The following CPNE8 variants were observed in gnomAD, a reference collection of about 807,000 sequenced individuals.
CPNE8 encodes the protein copine-8.
Under a neutral mutation model 81.5 loss-of-function variants are expected in CPNE8, and 45 were observed. The ratio of observed to expected loss-of-function variants is 0.55; its 90% CI spans 0.44 to 0.71. CPNE8 has a LOEUF of 0.71. Ranked by LOEUF, CPNE8 falls within the 30% of genes least tolerant of loss-of-function variation. The pLI is 0.00. For missense variants in CPNE8, 594 were observed against 672.1 expected (o/e 0.88, Z 1.28); for synonymous variants, 252 against 226.3 (o/e 1.11, Z -1.02).
chr12:38,786,672 A>G (rs1279533447), intron 6 of CPNE8, among the ~76,000 whole-genome samples: 1 of 152,172 alleles, frequency 6.6e-6, no homozygotes, highest in Non-Finnish European at 1.5e-5. Context: ...TGGAAACCAA[A>G]TAAGAGTAGG....
intron 3 of CPNE8, among the ~76,000 whole-genome samples, chr12:38,855,107 T>G (rs996897222): frequency 1.3e-5 from 2 of 151,524 alleles, no homozygotes; most frequent in Admixed American, 1.3e-4. Context: ...TAACAACAAA[T>G]TATCTGAAAA....
intron 1 of CPNE8, among the ~76,000 whole-genome samples, chr12:38,903,047 C>T (rs1056553800): frequency 6.6e-6 from 1 of 152,170 alleles, no homozygotes; most frequent in African/African-American, 2.4e-5. Flanking sequence ...AACTAAACCA[C>T]CTCCTATGGT....
At chr12:38,814,335 T>TC in intron 6 of CPNE8, among the ~76,000 whole-genome samples, 2 of 138,426 alleles carry the variant, frequency 1.4e-5, no homozygotes, top group Non-Finnish European at 3.1e-5. Flanking sequence ...TTTTTTTTTT[T>TC]TGACAGAGTC....
intron 18 of CPNE8, among the ~76,000 whole-genome samples, chr12:38,672,297 G>C (rs1939191892): frequency 6.6e-6 from 1 of 152,176 alleles, no homozygotes; most frequent in South Asian, 2.1e-4. Flanking sequence ...CAGTCATTTA[G>C]GCAATACTGT....
chr12:38,886,740 ATATCTT>A (rs1312415287), intron 1 of CPNE8, among the ~76,000 whole-genome samples: 3 of 152,148 alleles, frequency 2.0e-5, no homozygotes, highest in African/African-American at 7.2e-5. Context: ...AATCCTCTTG[ATATCTT>A]TTTAAGTTTA....
chr12:38,796,456 A>G (rs1942475879), intron 6 of CPNE8, among the ~76,000 whole-genome samples: 1 of 152,234 alleles, frequency 6.6e-6, no homozygotes, highest in Non-Finnish European at 1.5e-5. Context: ...ATTCCTATTC[A>G]TCAAAGCATA....
intron 6 of CPNE8, among the ~76,000 whole-genome samples, chr12:38,820,177 TG>T (rs755186114): frequency 1.6e-4 from 24 of 151,838 alleles, no homozygotes; most frequent in East Asian, 9.7e-4. Flanking sequence ...GAGGCGAAGA[TG>T]GGGGGATCAC....
rs1444729677 is a variant in CPNE8 at position 38,675,712 on chromosome 12, C to T, written c.1432+5G>A. The stretch of plus-strand genomic sequence containing the variant: ...AAGGAATATTATTGAAATTTTACTA[C>T]TCACCATCAAATTCTGCTGGTCCAA... On this transcript the variant is annotated splice_donor_5th_base_variant and intron_variant, in intron 18 of 19. Transcript: ENST00000331366. The T allele has an allele frequency of 3.2e-6, 5 of 1,578,636 alleles. No homozygotes were observed. Among genetic ancestry groups the T allele is most frequent in the Non-Finnish European group, 4.4e-6 (5 of 1,148,332 alleles).
intron 13 of CPNE8, among the ~76,000 whole-genome samples, chr12:38,716,641 C>G (rs1271836862): frequency 6.6e-6 from 1 of 152,078 alleles, no homozygotes; most frequent in African/African-American, 2.4e-5. Context: ...AAAATCAACT[C>G]AAGATGGATC....
At chr12:38,798,599 A>T (rs1371974566) in intron 6 of CPNE8, among the ~76,000 whole-genome samples, 5 of 152,200 alleles carry the variant, frequency 3.3e-5, no homozygotes, top group Non-Finnish European at 1.5e-5. Flanking sequence ...AAAACATGCC[A>T]AATTGTAAAG....
chr12:38,819,481 G>GAT (rs1943078733), intron 6 of CPNE8, among the ~76,000 whole-genome samples: 1 of 151,904 alleles, frequency 6.6e-6, no homozygotes, highest in African/African-American at 2.4e-5. Context: ...TAACAGCAGA[G>GAT]ATAGGGCCGG....
At chr12:38,666,860 G>A (rs1367179096) in intron 19 of CPNE8, among the ~76,000 whole-genome samples, 1 of 152,082 alleles carries the variant, frequency 6.6e-6, no homozygotes, top group Non-Finnish European at 1.5e-5. Context: ...GTGGACAAGA[G>A]GAATTGAGCT....
rs1482915675 is a variant in CPNE8 at position 38,677,651 on chromosome 12, A to C, written c.1272-97T>G. On this transcript the variant is annotated intron_variant, in intron 16 of 19. Transcript: ENST00000331366. ...AATAGTTAACAAACATTTTAATCTC[A>C]ATAAAATATTTGAACATGTTAGAGG... 4.2e-6 allele frequency: 3 copies of C among 712,080 alleles called. No individual in the cohort carries two copies. In the African/African-American group the frequency reaches 5.3e-5, roughly 13 times the overall value. The allele number at this position is 712,080 out of a possible 1,614,324, so 44.1% of individuals were successfully genotyped here. A position where few individuals can be genotyped will look rare whatever the true frequency, so the allele number is the denominator to read the frequency against.
chr12:38,654,874 A>C (rs1938783549), intron 19 of CPNE8, among the ~76,000 whole-genome samples: 1 of 152,168 alleles, frequency 6.6e-6, no homozygotes, highest in Non-Finnish European at 1.5e-5. Flanking sequence ...ACATTGTTAA[A>C]AAGTCCTAAA....
At chr12:38,863,299 A>G (rs1457100782) in intron 3 of CPNE8, among the ~76,000 whole-genome samples, 1 of 152,224 alleles carries the variant, frequency 6.6e-6, no homozygotes, top group African/African-American at 2.4e-5. Context: ...TTGTAAGTAG[A>G]CATGTATGTA....
At chr12:38,843,937 CAATT>C in intron 4 of CPNE8, among the ~76,000 whole-genome samples, 1 of 152,112 alleles carries the variant, frequency 6.6e-6, no homozygotes, top group South Asian at 2.1e-4. Flanking sequence ...AAGTACCTAA[CAATT>C]AACAGAGTAA....
intron 8 of CPNE8, among the ~76,000 whole-genome samples, chr12:38,765,941 C>A (rs1941678035): frequency 6.6e-6 from 1 of 151,922 alleles, no homozygotes; most frequent in African/African-American, 2.4e-5. Context: ...TCACTGCAAC[C>A]TCCGCCTCCC....
intron 6 of CPNE8, among the ~76,000 whole-genome samples, chr12:38,786,956 C>A (rs936157226): frequency 6.6e-6 from 1 of 152,056 alleles, no homozygotes; most frequent in African/African-American, 2.4e-5. Context: ...AGATATATAA[C>A]ACAAATATTA....
chr12:38,846,236 T>A (rs1943558392), intron 4 of CPNE8, among the ~76,000 whole-genome samples: 1 of 152,130 alleles, frequency 6.6e-6, no homozygotes, highest in South Asian at 2.1e-4. Context: ...ATCTCCAATG[T>A]TGAAATCAAA....
Sources: gnomAD v4.1 joint callset for allele counts (sites outside exome capture counted in the v4.1 genomes callset) on GRCh38, gnomAD v4.1.1 for gene constraint, MANE v1.5 for transcripts, NCBI Gene and HGNC (gene_info 2026-07-23, HGNC 2026-07-21) for gene names.